The following NLRP1 variants were observed in gnomAD, a reference collection of about 807,000 sequenced individuals.
The protein encoded by NLRP1 is NLR family pyrin domain containing 1.
NLRP1 carries 94 observed loss-of-function variants against 136.7 expected under a neutral mutation model. The ratio of observed to expected loss-of-function variants is 0.69; its 90% CI spans 0.58 to 0.82. NLRP1 has a LOEUF of 0.82. Ranked by LOEUF, NLRP1 falls within the 40% of genes least tolerant of loss-of-function variation. The probability of loss-of-function intolerance (pLI) is 0.00; values close to 1 mark genes in which losing one functional copy is unlikely to be tolerated. For synonymous variants in NLRP1, 690 were observed against 725.1 expected (o/e 0.95, Z 0.78); for missense variants, 1,575 against 1,802.7 (o/e 0.87, Z 2.29).
rs143175019 is a variant in NLRP1, at chr17:5,539,444, C to G, written c.2841G>C (p.Arg947Ser). The change falls in exon 7 of 17, where the codon AGG (arginine) becomes AGC (serine). Residue 947 changes from arginine to serine, a missense_variant. Transcript: ENST00000572272. The part of the protein sequence containing the change: ...VGVRLLCEGL[R>S]HPACKLIRLG... ...GGCGTATGAGTTTGCAGGCAGGATG[C>G]CTGAGCCCCTCACAGAGCAGTCGCA... 1.1e-4 allele frequency: 180 copies of G among 1,613,766 alleles called. 1 individual carries two copies. The African/African-American group carries it at 2.1e-3, about 19-fold the overall frequency.
At chr17:5,580,375 T>G (rs1388479929) in intron 3 of NLRP1, among the ~76,000 whole-genome samples, 1 of 152,150 alleles carries the variant, frequency 6.6e-6, no homozygotes, top group African/African-American at 2.4e-5. Context: ...GACACATAAC[T>G]TACCTATATA....
At chr17:5,548,630 C>G (rs567677969) in intron 5 of NLRP1, among the ~76,000 whole-genome samples, 1 of 152,308 alleles carries the variant, frequency 6.6e-6, no homozygotes, top group East Asian at 1.9e-4. Context: ...CCTCCTTCTC[C>G]CTCTTTAATG....
chr17:5,537,230 G>T lies in NLRP1; in HGVS notation c.2871-290C>A, dbSNP rs1186143371. Among the ~76,000 whole-genome samples, 3 of 152,238 alleles carry T rather than the reference G, an allele frequency of 2.0e-5. No homozygotes were observed. The highest frequency in any genetic ancestry group is 7.2e-5 in the African/African-American group (3 of 41,454). ...AGATGATCCTTTAGAGCTGTTTAAA[G>T]GAGTTGGGTTGAGGGGCTGGGCCTT... On this transcript the variant is annotated intron_variant, in intron 7 of 16. Coordinates refer to ENST00000572272, the MANE Select transcript of NLRP1 (RefSeq NM_033004.4). This position sits in a 1 kb window ranked among gnomAD's most constrained non-coding sequence, Gnocchi z 4.5.
intron 3 of NLRP1, among the ~76,000 whole-genome samples, chr17:5,570,972 A>G (rs1412681290): frequency 6.6e-6 from 1 of 152,198 alleles, no homozygotes; most frequent in Admixed American, 6.5e-5. Flanking sequence ...CAAATCAATA[A>G]ATGTGATCTA....
At chr17:5,570,532 C>T (rs1046194535) in intron 3 of NLRP1, among the ~76,000 whole-genome samples, 5 of 151,816 alleles carry the variant, frequency 3.3e-5, no homozygotes, top group African/African-American at 1.2e-4. Context: ...ATTCCTAGGA[C>T]TGAACCAGGA....
intron 4 of NLRP1, among the ~76,000 whole-genome samples, chr17:5,556,115 TAC>T (rs59028107): frequency 0.25 from 29,863 of 118,580 alleles, 3,976 homozygotes; most frequent in Admixed American, 0.32. Flanking sequence ...TCTCTCTCTC[TAC>T]ACACACACAC....
chr17:5,570,512 C>A (rs929214679), intron 3 of NLRP1, among the ~76,000 whole-genome samples: 3 of 151,784 alleles, frequency 2.0e-5, no homozygotes, highest in Non-Finnish European at 2.9e-5. Context: ...GAAAAACCTA[C>A]AAGAAATAAA....
At chr17:5,575,066 C>G (rs1271389106) in intron 3 of NLRP1, among the ~76,000 whole-genome samples, 6 of 152,058 alleles carry the variant, frequency 3.9e-5, no homozygotes, top group African/African-American at 9.7e-5. Context: ...TACAGACAAG[C>G]AAATGCTGAG....
intron 4 of NLRP1, among the ~76,000 whole-genome samples, chr17:5,555,320 C>A: frequency 6.6e-6 from 1 of 152,080 alleles, no homozygotes. Context: ...AGCCCTTGGC[C>A]AACCTCCACC....
intron 12 of NLRP1, among the ~76,000 whole-genome samples, chr17:5,523,500 C>A (rs1374245458): frequency 6.6e-6 from 1 of 152,174 alleles, no homozygotes; most frequent in African/African-American, 2.4e-5. Context: ...TAACCTTTTG[C>A]TAAGTCTATG....
chr17:5,582,518 G>A (rs1025623959), intron 2 of NLRP1, 152 bp downstream of exon 2: 6 of 704,752 alleles, frequency 8.5e-6, no homozygotes, highest in African/African-American at 3.6e-5. Flanking sequence ...TCAATTTCAG[G>A]CCTACCTCTC....
At chr17:5,542,690 T>C (rs71368562) in intron 5 of NLRP1, among the ~76,000 whole-genome samples, 6,928 of 151,670 alleles carry the variant, frequency 0.046, 189 homozygotes, top group Middle Eastern at 0.085. Context: ...TGTAAGCTCC[T>C]TGAGGAAGGA....
intron 3 of NLRP1, among the ~76,000 whole-genome samples, chr17:5,564,060 A>T (rs111940211): frequency 2.5e-4 from 38 of 152,254 alleles, no homozygotes; most frequent in African/African-American, 7.7e-4. Flanking sequence ...ATTATTTTTT[A>T]AAAATTTTGT....
chr17:5,552,470 T>C (rs1913496069), intron 5 of NLRP1, among the ~76,000 whole-genome samples: 1 of 152,142 alleles, frequency 6.6e-6, no homozygotes, highest in Non-Finnish European at 1.5e-5. Flanking sequence ...GTTGGATACC[T>C]TGAAAGGATC....
intron 12 of NLRP1, among the ~76,000 whole-genome samples, chr17:5,529,658 G>A (rs1033928997): frequency 2.6e-5 from 4 of 152,020 alleles, no homozygotes; most frequent in African/African-American, 4.8e-5. Context: ...GAGCCACTGC[G>A]CCCGGCCTTG....
At position 5,584,119 on chromosome 17, in the gene NLRP1, G is replaced by A; in HGVS notation, c.-162C>T. On this transcript the variant is annotated 5_prime_UTR_variant, in exon 1 of 17. Transcript: ENST00000572272. Reference sequence around the variant, plus strand: ...CCCAGGGCACCTACAGATAGACGCCGATAGAGGGGGAGTGGTAGGAAAAGC... The same window carrying A: ...CCCAGGGCACCTACAGATAGACGCCAATAGAGGGGGAGTGGTAGGAAAAGC... 1.5e-6 allele frequency: 1 copy of A among 679,916 alleles called. No individual in the cohort carries two copies. The highest frequency in any genetic ancestry group is 2.7e-5 in the East Asian group (1 of 36,684). 42.1% of individuals were successfully genotyped at this position (679,916 alleles called of 1,614,324 possible).
chr17:5,541,817 C>A lies in NLRP1; in HGVS notation c.2699+40G>T. The A allele has an allele frequency of 4.4e-6, 7 of 1,602,366 alleles. No individual in the cohort carries two copies. The highest frequency in any genetic ancestry group is 5.1e-6 in the Non-Finnish European group (6 of 1,171,556). On this transcript the variant is annotated intron_variant, in intron 6 of 16. Transcript: ENST00000572272. This position sits in a 1 kb window ranked among gnomAD's most constrained non-coding sequence, Gnocchi z 4.2. ...CCTCTGCCTGCCTCATGGTGGCAGG[C>A]AGTTCCCTCCACCTCCCCCTGCCCA...
chr17:5,511,643 G>C (rs1250276557), downstream of NLRP1, among the ~76,000 whole-genome samples: 1 of 152,148 alleles, frequency 6.6e-6, no homozygotes, highest in Non-Finnish European at 1.5e-5. Context: ...GATGAGGGAC[G>C]GGGAGGTCTG....
chr17:5,551,736 T>C (rs1178978092), intron 5 of NLRP1, among the ~76,000 whole-genome samples: 2 of 152,094 alleles, frequency 1.3e-5, no homozygotes, highest in Admixed American at 6.6e-5. Context: ...AAGTATGTAG[T>C]GGTATCTTTT....
Sources: allele counts gnomAD v4.1 joint callset (sites outside exome capture counted in the v4.1 genomes callset), GRCh38; gene constraint gnomAD v4.1.1; non-coding constraint Gnocchi (gnomAD v3.1); transcripts MANE v1.5; gene names NCBI Gene and HGNC (gene_info 2026-07-23, HGNC 2026-07-21).